DLGAP1: variants seen among roughly 807,000 people sequenced by gnomAD.
DLGAP1 encodes the protein DLG associated protein 1.
A neutral mutation model predicts 90.8 loss-of-function variants in DLGAP1; 11 were observed. The ratio of observed to expected loss-of-function variants is 0.12; its 90% CI spans 0.08 to 0.20. DLGAP1 has a LOEUF of 0.20. Ranked by LOEUF, DLGAP1 falls within the 10% of genes least tolerant of loss-of-function variation. The pLI, the probability that DLGAP1 is intolerant of heterozygous loss-of-function variation, is 1.00. For synonymous variants in DLGAP1, 558 were observed against 540.7 expected (o/e 1.03, Z -0.44); for missense variants, 1,050 against 1,333.8 (o/e 0.79, Z 3.31).
At chr18:4,351,887 T>C (rs914166083) in intron 1 of DLGAP1, among the ~76,000 whole-genome samples, 7 of 152,324 alleles carry the variant, frequency 4.6e-5, no homozygotes, top group Admixed American at 3.9e-4. Context: ...TTTCAAACAC[T>C]CAAATGTGTT....
At chr18:3,872,443 T>G (rs879649550) in intron 4 of DLGAP1, among the ~76,000 whole-genome samples, 8 of 152,236 alleles carry the variant, frequency 5.3e-5, no homozygotes, top group Admixed American at 3.9e-4. Context: ...CAATTACCTA[T>G]TGTGGTTTTA....
chr18:3,803,485 T>C (rs1481201700), intron 5 of DLGAP1, among the ~76,000 whole-genome samples: 2 of 152,294 alleles, frequency 1.3e-5, no homozygotes, highest in East Asian at 3.9e-4. Flanking sequence ...ACCGAGGTGG[T>C]GGCAATTTTA....
chr18:4,427,973 C>A lies in DLGAP1; in HGVS notation c.-267+27033G>T, dbSNP rs189732736. 1.3e-3 allele frequency among the ~76,000 whole-genome samples: 204 copies of A among 152,278 alleles called. 1 individual carries two copies. Among genetic ancestry groups the A allele is most frequent in the African/African-American group, 4.6e-3 (193 of 41,560 alleles). On this transcript the variant is annotated intron_variant, in intron 1 of 12. Coordinates refer to ENST00000315677, the MANE Select transcript of DLGAP1 (RefSeq NM_004746.4). ...AAGCCTGGATGTAAATTGTTCAGAT[C>A]TCTGATCAAAGAAGGTATGTATTAA...
intron 10 of DLGAP1, among the ~76,000 whole-genome samples, chr18:3,509,151 C>T (rs12605527): frequency 0.24 from 36,071 of 151,916 alleles, 5,467 homozygotes; most frequent in East Asian, 0.63. Context: ...TCTTGGCACT[C>T]ACCATATCCC....
chr18:3,889,198 T>C (rs966504531), intron 3 of DLGAP1, among the ~76,000 whole-genome samples: 1 of 152,162 alleles, frequency 6.6e-6, no homozygotes, highest in African/African-American at 2.4e-5. Context: ...TGTTTAATGG[T>C]ACCTAAAGAC....
At chr18:4,423,424 G>A (rs2083084661) in intron 1 of DLGAP1, among the ~76,000 whole-genome samples, 1 of 152,138 alleles carries the variant, frequency 6.6e-6, no homozygotes, top group African/African-American at 2.4e-5. Context: ...CTCTCTCTTT[G>A]CCTACTAAGT....
intron 1 of DLGAP1, among the ~76,000 whole-genome samples, chr18:4,231,315 C>T (rs1568462537): frequency 6.6e-6 from 1 of 152,252 alleles, no homozygotes; most frequent in Non-Finnish European, 1.5e-5. Flanking sequence ...GCCCCCTTTC[C>T]AAAATCAATT....
At chr18:3,972,784 T>A (rs1317115848) in intron 3 of DLGAP1, among the ~76,000 whole-genome samples, 1 of 152,130 alleles carries the variant, frequency 6.6e-6, no homozygotes, top group Non-Finnish European at 1.5e-5. Flanking sequence ...CAAATCACAC[T>A]AGCTCCCCCT....
intron 5 of DLGAP1, among the ~76,000 whole-genome samples, chr18:3,763,061 G>C (rs2064043886): frequency 6.6e-6 from 1 of 152,166 alleles, no homozygotes. Flanking sequence ...GCAAAGTACT[G>C]TTCCTGGGTG....
chr18:4,037,817 G>C (rs1393177407), intron 2 of DLGAP1, among the ~76,000 whole-genome samples: 1 of 152,120 alleles, frequency 6.6e-6, no homozygotes, highest in East Asian at 1.9e-4. Flanking sequence ...AAAATTGGCT[G>C]GGTATCTTGG....
chr18:3,933,351 G>C (rs541438410), intron 3 of DLGAP1, among the ~76,000 whole-genome samples: 22 of 152,326 alleles, frequency 1.4e-4, no homozygotes, highest in African/African-American at 5.3e-4. Flanking sequence ...CACGGTTCAG[G>C]TTGCAGAAAT....
intron 3 of DLGAP1, among the ~76,000 whole-genome samples, chr18:3,931,843 G>A (rs1407275458): frequency 1.3e-5 from 2 of 152,156 alleles, no homozygotes; most frequent in African/African-American, 2.4e-5. Context: ...ATAGCACCCA[G>A]TAAGGAATTT....
At chr18:4,304,047 T>C (rs1048284956) in intron 1 of DLGAP1, among the ~76,000 whole-genome samples, 6 of 152,354 alleles carry the variant, frequency 3.9e-5, no homozygotes, top group African/African-American at 1.4e-4. Context: ...CTATCAGACA[T>C]ACTTGTGGAT....
chr18:4,029,694 C>T (rs1038054027), intron 2 of DLGAP1, among the ~76,000 whole-genome samples: 7 of 152,290 alleles, frequency 4.6e-5, no homozygotes, highest in African/African-American at 1.4e-4. Context: ...CAGTGTCTTC[C>T]TAGTAGACAT....
At chr18:3,651,077 T>C (rs1368962994) in intron 7 of DLGAP1, among the ~76,000 whole-genome samples, 1 of 117,212 alleles carries the variant, frequency 8.5e-6, no homozygotes, top group South Asian at 2.7e-4. Flanking sequence ...AAAAACAAAG[T>C]TGGCTGGGCA....
At chr18:3,806,220 C>CAAAACA (rs1357182421) in intron 5 of DLGAP1, among the ~76,000 whole-genome samples, 2 of 152,030 alleles carry the variant, frequency 1.3e-5, no homozygotes, top group Non-Finnish European at 2.9e-5. Flanking sequence ...GTAAACAAAA[C>CAAAACA]AAAACAAAAA....
chr18:4,072,882 TAA>T (rs1295924055), intron 2 of DLGAP1, among the ~76,000 whole-genome samples: 2 of 152,184 alleles, frequency 1.3e-5, no homozygotes, highest in African/African-American at 4.8e-5. Flanking sequence ...ATTTGACAGA[TAA>T]AGAGACAAAG....
At chr18:3,900,164 T>G (rs2071750064) in intron 3 of DLGAP1, among the ~76,000 whole-genome samples, 3 of 152,222 alleles carry the variant, frequency 2.0e-5, no homozygotes, top group Admixed American at 2.0e-4. Context: ...CGAAGAAATG[T>G]ACTCTGTACC....
At chr18:3,809,059 G>A (rs2066701767) in intron 5 of DLGAP1, among the ~76,000 whole-genome samples, 1 of 152,196 alleles carries the variant, frequency 6.6e-6, no homozygotes, top group African/African-American at 2.4e-5. Context: ...GTTCCTGGGA[G>A]ACATTTCCTG....
Sources: allele counts gnomAD v4.1 joint callset (sites outside exome capture counted in the v4.1 genomes callset), GRCh38; gene constraint gnomAD v4.1.1; transcripts MANE v1.5; gene names NCBI Gene and HGNC (gene_info 2026-07-23, HGNC 2026-07-21).